NBPF14: variants seen among roughly 807,000 people sequenced by gnomAD.
NBPF14 encodes the protein NBPF member 14.
Under a neutral mutation model 91.2 loss-of-function variants are expected in NBPF14, and 104 were observed. The observed-to-expected ratio is 1.14, with a 90% CI of 0.97 to 1.34. NBPF14 has a LOEUF of 1.34. Among genes scored for constraint, NBPF14 ranks in the 40% most tolerant of loss-of-function variants. The pLI, the probability that NBPF14 is intolerant of heterozygous loss-of-function variation, is 0.00. For synonymous variants in NBPF14, 294 were observed against 303.8 expected, an observed-to-expected ratio of 0.97 and a Z score of 0.34; for missense variants, 908 against 783.0, an observed-to-expected ratio of 1.16 and a Z score of -1.91.
chr1:148,577,336 C>T (rs1443136182), exon 15 of NBPF14: 13 of 622,662 alleles, frequency 2.1e-5, no homozygotes, highest in Admixed American at 1.0e-4. Context: ...CCTTTCTCAT[C>T]CAGCAGCTCC....
chr1:148,542,222 A>G (rs1655667311), intron 59 of NBPF14, among the ~76,000 whole-genome samples: 1 of 83,598 alleles, frequency 1.2e-5, no homozygotes, highest in Non-Finnish European at 2.0e-5. Context: ...GACTTTAGAC[A>G]CTGAAATTAG....
rs1219813215 is a variant in NBPF14 at position 148,561,895 on chromosome 1, G to C, written c.4275-316C>G. Among the ~76,000 whole-genome samples the C allele has an allele frequency of 5.4e-5, 7 of 129,620 alleles. 1 individual carries two copies. The highest frequency in any genetic ancestry group is 2.4e-4 in the African/African-American group (6 of 25,332). The allele number at this position is 129,620 out of a possible 152,430, so 85.0% of individuals were successfully genotyped here. On this transcript the variant is annotated intron_variant, in intron 34 of 70. Transcript: ENST00000619423. The stretch of plus-strand genomic sequence containing the variant: ...GTGACACACTGATGAGGGAGTAACA[G>C]GACACTCTGAGTTAGTGCCCTCAGG...
intron 40 of NBPF14, among the ~76,000 whole-genome samples, 193 bp from the exon 41 acceptor site, chr1:148,557,055 G>C (rs1284187352): frequency 3.3e-5 from 4 of 121,220 alleles, no homozygotes; most frequent in Non-Finnish European, 6.3e-5. Context: ...GAGAAAGACA[G>C]ATAGACACAC....
At chr1:148,559,137 ACT>A in intron 37 of NBPF14, 65 bp from the exon 38 acceptor site, 1 of 678,498 alleles carries the variant, frequency 1.5e-6, no homozygotes, top group Non-Finnish European at 2.5e-6. Flanking sequence ...ATAACAATCC[ACT>A]GTCTAATCCT....
intron 13 of NBPF14, among the ~76,000 whole-genome samples, chr1:148,578,661 C>T (rs1571003198): frequency 8.9e-6 from 1 of 111,826 alleles, no homozygotes; most frequent in East Asian, 2.6e-4. Context: ...GTGACACTGG[C>T]CTTGGGCAGG....
rs587625390 is a variant in NBPF14 at position 148,534,206 on chromosome 1, G to C, written c.8615-237C>G. Among the ~76,000 whole-genome samples the C allele has an allele frequency of 4.0e-5, 6 of 150,690 alleles. 1 individual carries two copies. Among genetic ancestry groups the C allele is most frequent in the East Asian group, 1.9e-4 (1 of 5,152 alleles). ...GTAGATCGTTATCCCAATATCATTT[G>C]TCCCAAGTTTCTGCAAACAGTTACG... On this transcript the variant is annotated intron_variant, in intron 69 of 70. Transcript: ENST00000619423.
At chr1:148,534,596 G>A (rs1424627920) in intron 69 of NBPF14, 88 bp downstream of exon 69, 59 of 878,404 alleles carry the variant, frequency 6.7e-5, no homozygotes, top group Middle Eastern at 3.3e-4. Flanking sequence ...GACATCTCTC[G>A]GGTGAGTAAG....
intron 59 of NBPF14, among the ~76,000 whole-genome samples, chr1:148,542,114 A>C (rs1655631638): frequency 9.7e-6 from 1 of 103,222 alleles, no homozygotes; most frequent in Non-Finnish European, 1.7e-5. Context: ...ATATTTTTCC[A>C]ATCAACTTAA....
intron 70 of NBPF14, among the ~76,000 whole-genome samples, chr1:148,533,488 G>C (rs1170049169): frequency 6.6e-6 from 1 of 151,734 alleles, no homozygotes; most frequent in Non-Finnish European, 1.5e-5. Context: ...AAGTGACCTA[G>C]TGAATTGGCC....
At chr1:148,579,890 G>A (rs1426748562) in intron 12 of NBPF14, among the ~76,000 whole-genome samples, 3 of 152,146 alleles carry the variant, frequency 2.0e-5, no homozygotes, top group African/African-American at 7.2e-5. Flanking sequence ...CACAGAGAAA[G>A]GAATAGCATC....
At chr1:148,535,119 T>A in intron 68 of NBPF14, among the ~76,000 whole-genome samples, 2 of 145,252 alleles carry the variant, frequency 1.4e-5, no homozygotes, top group Non-Finnish European at 3.0e-5. Flanking sequence ...GATGAAGGGG[T>A]CAAAGGACAC....
chr1:148,594,095 T>C (rs1662929498), intron 2 of NBPF14, among the ~76,000 whole-genome samples: 1 of 147,170 alleles, frequency 6.8e-6, no homozygotes, highest in Non-Finnish European at 1.5e-5. Context: ...CCTAGGACTA[T>C]GGGACTGATG....
chr1:148,556,629 A>T (rs1656634165), intron 41 of NBPF14, 61 bp downstream of exon 41: 2 of 75,180 alleles, frequency 2.7e-5, no homozygotes, highest in Admixed American at 5.2e-4. Context: ...TTGGAGCAGG[A>T]ATATGATCTT....
rs1467441842 is a variant in NBPF14, at chr1:148,593,582, T to C, written c.278+16A>G. On this transcript the variant is annotated intron_variant, in intron 3 of 70. Transcript: ENST00000619423. ...ACACACCTACCCGCCTGCCTCCCCC[T>C]ACGGGGTCCCCTCACCTGAGCTCCT... is the stretch of plus-strand genomic sequence containing the variant. The C allele has an allele frequency of 3.4e-3, 4,635 of 1,361,030 alleles. 109 individuals carry two copies. The highest frequency in any genetic ancestry group is 3.8e-3 in the Non-Finnish European group (3,690 of 974,304). 84.3% of individuals were successfully genotyped at this position (1,361,030 alleles called of 1,614,324 possible).
In NBPF14 at chr1:148,566,528, C is replaced by T. The variant is rs1454426046; in HGVS notation, c.3543-213G>A. ...AGACAGACACACACACACACACACA[C>T]ACACACACACACAAACACACACACA... On this transcript the variant is annotated intron_variant, in intron 28 of 70. Coordinates refer to ENST00000619423, the Ensembl canonical transcript of NBPF14. 3.2e-4 allele frequency among the ~76,000 whole-genome samples: 42 copies of T among 130,084 alleles called. 2 individuals are homozygous for T. Among genetic ancestry groups the T allele is most frequent in the Non-Finnish European group, 6.7e-4 (37 of 55,528 alleles). The allele number at this position is 130,084 out of a possible 152,430, so 85.3% of individuals were successfully genotyped here. A position where few individuals can be genotyped will look rare whatever the true frequency, so the allele number is the denominator to read the frequency against.
At chr1:148,559,670 T>G (rs1407746000) in intron 37 of NBPF14, 123 bp downstream of exon 37, 7 of 632,062 alleles carry the variant, frequency 1.1e-5, no homozygotes, top group African/African-American at 2.9e-5. Flanking sequence ...AACCTACATG[T>G]GCCTATAGGT....
intron 28 of NBPF14, among the ~76,000 whole-genome samples, chr1:148,566,560 G>A (rs1201047566): frequency 7.0e-6 from 1 of 142,672 alleles, no homozygotes; most frequent in African/African-American, 2.6e-5. Context: ...CACACACACA[G>A]AGAACGAGCT....
chr1:148,577,641 G>T (rs1204264112), intron 14 of NBPF14, among the ~76,000 whole-genome samples: 8 of 148,828 alleles, frequency 5.4e-5, no homozygotes, highest in African/African-American at 2.0e-4. Flanking sequence ...GGAGTCAAAG[G>T]ACACTCTGTA....
intron 69 of NBPF14, among the ~76,000 whole-genome samples, chr1:148,534,230 C>T (rs185474521): frequency 1.9e-4 from 28 of 151,340 alleles, no homozygotes; most frequent in East Asian, 9.7e-4. Flanking sequence ...CAAACAGTTA[C>T]GCCATATTTT....
Sources: allele counts gnomAD v4.1 joint callset (sites outside exome capture counted in the v4.1 genomes callset), GRCh38; gene constraint gnomAD v4.1.1; transcripts MANE v1.5; gene names NCBI Gene and HGNC (gene_info 2026-07-23, HGNC 2026-07-21).